The following TENM4 variants were observed in gnomAD, a reference collection of about 807,000 sequenced individuals.
TENM4 encodes teneurin transmembrane protein 4, also known as teneurin-4.
Under a neutral mutation model 243.3 loss-of-function variants are expected in TENM4, and 82 were observed. The observed-to-expected ratio is 0.34, with a 90% CI of 0.28 to 0.40. TENM4 has a LOEUF of 0.40. Among genes scored for constraint, TENM4 ranks in the 10% least tolerant of loss-of-function variants. The pLI is 1.00. For missense variants in TENM4, 3,138 were observed against 3,673.3 expected, an observed-to-expected ratio of 0.85 and a Z score of 3.77; for synonymous variants, 1,412 against 1,456.3, an observed-to-expected ratio of 0.97 and a Z score of 0.69.
intron 4 of TENM4, among the ~76,000 whole-genome samples, chr11:79,071,210 C>T (rs1447212233): frequency 6.6e-6 from 1 of 152,208 alleles, no homozygotes; most frequent in East Asian, 1.9e-4. Context: ...AGCAGAATAT[C>T]CTCCGCAGAG....
chr11:79,147,186 A>G (rs951340193), intron 4 of TENM4, among the ~76,000 whole-genome samples: 5 of 152,130 alleles, frequency 3.3e-5, no homozygotes, highest in Non-Finnish European at 7.4e-5. Context: ...AAAGGCACAT[A>G]TATTTGTAGG....
chr11:79,172,312 G>A (rs1417089963), intron 3 of TENM4, among the ~76,000 whole-genome samples: 2 of 152,128 alleles, frequency 1.3e-5, no homozygotes, highest in African/African-American at 4.8e-5. Flanking sequence ...CTAGGCAAAC[G>A]GGGGCATGAT....
intron 2 of TENM4, among the ~76,000 whole-genome samples, chr11:79,296,174 G>A (rs1193428468): frequency 6.6e-6 from 1 of 152,130 alleles, no homozygotes; most frequent in Non-Finnish European, 1.5e-5. Flanking sequence ...TAAACAAAGA[G>A]CATAGCCTCT....
At chr11:78,931,861 T>C (rs528405114) in intron 6 of TENM4, among the ~76,000 whole-genome samples, 1 of 152,164 alleles carries the variant, frequency 6.6e-6, no homozygotes, top group Non-Finnish European at 1.5e-5. Flanking sequence ...GCTGCGGTGG[T>C]ACATGCCTGT....
chr11:78,708,564 G>A (rs1475505150), intron 26 of TENM4, 49 bp from the exon 27 acceptor site: 1 of 1,595,048 alleles, frequency 6.3e-7, no homozygotes, highest in Admixed American at 1.7e-5. Flanking sequence ...AGATGACAAT[G>A]ACCCGCACAT....
intron 6 of TENM4, among the ~76,000 whole-genome samples, chr11:79,008,421 A>C (rs1005809943): frequency 1.3e-5 from 2 of 152,222 alleles, no homozygotes; most frequent in African/African-American, 4.8e-5. Context: ...TTAGAAAAAA[A>C]GGAAAATGAA....
intron 3 of TENM4, among the ~76,000 whole-genome samples, chr11:79,164,661 G>T (rs931359782): frequency 6.7e-6 from 1 of 149,246 alleles, no homozygotes; most frequent in Non-Finnish European, 1.5e-5. Context: ...CAGAATTCCC[G>T]TGTGTTATGG....
rs1015111671 is a variant in TENM4 at position 78,855,944 on chromosome 11, G to A, written c.1470+20C>T. 6.5e-7 allele frequency: 1 copy of A among 1,549,516 alleles called. No homozygotes were observed. Among genetic ancestry groups the A allele is most frequent in the Non-Finnish European group, 8.7e-7 (1 of 1,145,900 alleles). On this transcript the variant is annotated intron_variant, in intron 11 of 33. Transcript: ENST00000278550. The stretch of plus-strand genomic sequence containing the variant: ...GTAGGAGCCCATGCAGATCAACAGG[G>A]TATGTGGGGTTCTGGTTACCTGTGT...
chr11:78,732,716 A>C, intron 20 of TENM4, 139 bp from the exon 21 acceptor site: 1 of 990,642 alleles, frequency 1.0e-6, no homozygotes. Context: ...TAATGCCTAA[A>C]TATTTGACTG....
At chr11:78,838,451 G>C (rs1858171217) in intron 12 of TENM4, among the ~76,000 whole-genome samples, 1 of 152,112 alleles carries the variant, frequency 6.6e-6, no homozygotes, top group Non-Finnish European at 1.5e-5. Context: ...GGTTTCTTCA[G>C]TGACTTTAGT....
Position 78,653,524 on chromosome 11 carries a change from G to C in TENM4, c.*4534C>G, listed in dbSNP as rs1014366892. On this transcript the variant is annotated 3_prime_UTR_variant, in exon 34 of 34. Coordinates refer to ENST00000278550, the MANE Select transcript of TENM4 (RefSeq NM_001098816.3). ...TGGTAAGGCCAGAGTCTCCAGTGTTGGTCATCCAGAAGCAGCTTGGTACAG... is the reference window on the plus strand; with the variant it reads ...TGGTAAGGCCAGAGTCTCCAGTGTTCGTCATCCAGAAGCAGCTTGGTACAG... 6.6e-6 allele frequency: 1 copy of C among 152,176 alleles called. No homozygotes were observed. The highest frequency in any genetic ancestry group is 1.5e-5 in the Non-Finnish European group (1 of 68,040). 9.4% of individuals were successfully genotyped at this position (152,176 alleles called of 1,614,324 possible).
intron 28 of TENM4, among the ~76,000 whole-genome samples, chr11:78,696,685 A>G (rs558658811): frequency 3.9e-5 from 6 of 152,180 alleles, no homozygotes; most frequent in Admixed American, 2.6e-4. Context: ...CAAGGTCCAC[A>G]GTTCAGCCCT....
At chr11:78,955,213 T>C (rs982680387) in intron 6 of TENM4, among the ~76,000 whole-genome samples, 1 of 152,230 alleles carries the variant, frequency 6.6e-6, no homozygotes, top group African/African-American at 2.4e-5. Context: ...ATGGACACAG[T>C]GTTCACCCTC....
intron 27 of TENM4, among the ~76,000 whole-genome samples, chr11:78,707,222 A>G (rs970628731): frequency 6.6e-6 from 1 of 152,156 alleles, no homozygotes; most frequent in Non-Finnish European, 1.5e-5. Flanking sequence ...ATTTGATGTA[A>G]CTCAATGCTC....
chr11:79,013,162 AG>A lies in TENM4; in HGVS notation c.493+51575del, dbSNP rs1858691545. On this transcript the variant is annotated intron_variant, in intron 6 of 33. Transcript: ENST00000278550. The stretch of plus-strand genomic sequence containing the variant: ...AGACATTCGGGAAATGGCAACATTC[AG>A]GGGGCACGAGAGCTGGTTAAGTGCT... Among the ~76,000 whole-genome samples, 3 of 152,268 alleles carry A rather than the reference AG, an allele frequency of 2.0e-5. No homozygotes were observed. The South Asian group carries it at 6.2e-4, about 32-fold the overall frequency.
chr11:78,982,280 T>C (rs1857815975), intron 6 of TENM4, among the ~76,000 whole-genome samples: 1 of 152,098 alleles, frequency 6.6e-6, no homozygotes, highest in Non-Finnish European at 1.5e-5. Flanking sequence ...ACACTCCTTG[T>C]CTAACAAGGC....
intron 6 of TENM4, among the ~76,000 whole-genome samples, chr11:79,025,122 C>T (rs568132220): frequency 6.6e-6 from 1 of 152,314 alleles, no homozygotes; most frequent in Non-Finnish European, 1.5e-5. Flanking sequence ...AAAGAACCCC[C>T]ACTTCTTGCC....
chr11:79,165,754 G>T (rs921657731), intron 3 of TENM4, among the ~76,000 whole-genome samples: 1 of 152,090 alleles, frequency 6.6e-6, no homozygotes, highest in African/African-American at 2.4e-5. Flanking sequence ...TTATCTTCGA[G>T]AATTTTTATT....
intron 3 of TENM4, among the ~76,000 whole-genome samples, chr11:79,201,836 G>A (rs1863744372): frequency 6.6e-6 from 1 of 152,212 alleles, no homozygotes. Flanking sequence ...GAAGATCAGT[G>A]TGGGCTGGGG....
Sources: allele counts gnomAD v4.1 joint callset (sites outside exome capture counted in the v4.1 genomes callset), GRCh38; gene constraint gnomAD v4.1.1; transcripts MANE v1.5; gene names NCBI Gene and HGNC (gene_info 2026-07-23, HGNC 2026-07-21).